The following TBC1D8 variants were observed in gnomAD, a reference collection of about 807,000 sequenced individuals.
TBC1D8 encodes TBC1 domain family member 8.
In TBC1D8, 65 loss-of-function variants were observed where a neutral mutation model predicts 118.8. The ratio of observed to expected loss-of-function variants is 0.55; its 90% CI spans 0.45 to 0.67. TBC1D8 has a LOEUF of 0.67. Among genes scored for constraint, TBC1D8 ranks in the 30% least tolerant of loss-of-function variants. The pLI, the probability that TBC1D8 is intolerant of heterozygous loss-of-function variation, is 0.00. For missense variants in TBC1D8, 1,376 were observed against 1,471.2 expected (o/e 0.94, Z 1.06); for synonymous variants, 566 against 595.8 (o/e 0.95, Z 0.73).
chr2:101,058,897 CTTTTTTA>C (rs1344389661), intron 3 of TBC1D8, among the ~76,000 whole-genome samples: 1 of 128,274 alleles, frequency 7.8e-6, no homozygotes, highest in Non-Finnish European at 1.6e-5. Flanking sequence ...AGAATAAAGT[CTTTTTTA>C]TTTTTTATTT....
At chr2:101,038,861 G>C (rs1025164751) in intron 6 of TBC1D8, among the ~76,000 whole-genome samples, 2 of 148,750 alleles carry the variant, frequency 1.3e-5, no homozygotes, top group Non-Finnish European at 2.9e-5. Context: ...ATAGCAAAGT[G>C]TGGTCTATCC....
intron 1 of TBC1D8, among the ~76,000 whole-genome samples, chr2:101,140,201 A>G (rs575022839): frequency 6.6e-6 from 1 of 152,316 alleles, no homozygotes; most frequent in African/African-American, 2.4e-5. Flanking sequence ...AAGTTGAGAA[A>G]GAAGACAAAG....
At chr2:101,102,053 G>A (rs1441175210) in intron 1 of TBC1D8, among the ~76,000 whole-genome samples, 2 of 147,150 alleles carry the variant, frequency 1.4e-5, no homozygotes, top group Non-Finnish European at 3.0e-5. Flanking sequence ...GAGTGGAGAG[G>A]AGGGGAGGGA....
chr2:101,031,342 C>A (rs933601266), intron 11 of TBC1D8, among the ~76,000 whole-genome samples: 3 of 152,172 alleles, frequency 2.0e-5, no homozygotes, highest in African/African-American at 7.2e-5. Flanking sequence ...ACTGCCTTCC[C>A]AGCTGACCAC....
At chr2:101,009,070 T>C (rs1305578923) in intron 19 of TBC1D8, among the ~76,000 whole-genome samples, 1 of 152,112 alleles carries the variant, frequency 6.6e-6, no homozygotes, top group Non-Finnish European at 1.5e-5. Flanking sequence ...AGGTGGAATC[T>C]AGCTACACAA....
intron 9 of TBC1D8, among the ~76,000 whole-genome samples, chr2:101,035,025 G>A (rs115523663): frequency 0.021 from 3,121 of 152,178 alleles, 115 homozygotes; most frequent in African/African-American, 0.072. Flanking sequence ...GGCTGGGGGG[G>A]AGACAGGGAA....
intron 5 of TBC1D8, among the ~76,000 whole-genome samples, chr2:101,047,061 T>G (rs1681754345): frequency 2.0e-5 from 3 of 152,332 alleles, no homozygotes; most frequent in Admixed American, 2.0e-4. Flanking sequence ...TGGTCTTTTT[T>G]CCTTTCCGCT....
intron 3 of TBC1D8, among the ~76,000 whole-genome samples, chr2:101,055,546 A>T (rs1682371891): frequency 6.6e-6 from 1 of 152,182 alleles, no homozygotes; most frequent in Non-Finnish European, 1.5e-5. Flanking sequence ...CCTCCAAAGC[A>T]CTCAGGTCTA....
At position 101,015,565 on chromosome 2, in the gene TBC1D8, A is replaced by G. The variant is rs1573865303; in HGVS notation, c.2828-4025T>C. On this transcript the variant is annotated intron_variant, in intron 17 of 19. Coordinates refer to ENST00000409318, the MANE Select transcript of TBC1D8 (RefSeq NM_001330348.2). The stretch of plus-strand genomic sequence containing the variant: ...AATATTTCCTTTATATTCTTATTCT[A>G]TAAACATTTTTCTATCAAAAAAATC... Among the ~76,000 whole-genome samples the G allele has an allele frequency of 2.0e-5, 3 of 152,356 alleles. 1 individual carries two copies. The South Asian group carries it at 6.2e-4, about 32-fold the overall frequency.
chr2:101,095,531 C>A, intron 1 of TBC1D8, among the ~76,000 whole-genome samples: 1 of 151,028 alleles, frequency 6.6e-6, no homozygotes, highest in Non-Finnish European at 1.5e-5. Context: ...CGATAGTTTG[C>A]TGAGAATGAT....
In TBC1D8 at chr2:101,050,465, G is replaced by C; in HGVS notation, c.808C>G (p.Leu270Val). Residue 270 changes from leucine (L) to valine (V), a missense_variant, in exon 5 of 20, where the codon CTG becomes GTG. Transcript: ENST00000409318. The stretch of plus-strand genomic sequence containing the variant: ...AGGTCAAAGACCTCATTATCCAGCA[G>C]CCTTCGCAGCGTCACGTCGGCCAGC... ...EQLADVTLRR[L>V]LDNEVFDLDP... 1 of 1,613,912 alleles carries C rather than the reference G, an allele frequency of 6.2e-7. No homozygotes were observed. Among genetic ancestry groups the C allele is most frequent in the Non-Finnish European group, 8.5e-7 (1 of 1,179,862 alleles).
intron 5 of TBC1D8, among the ~76,000 whole-genome samples, chr2:101,046,852 AAC>A (rs1362578955): frequency 6.6e-6 from 1 of 152,108 alleles, no homozygotes; most frequent in East Asian, 1.9e-4. Context: ...CCTCGTGGGA[AAC>A]AGAGTTTCCA....
rs1681304809 is a variant in TBC1D8 at position 101,040,314 on chromosome 2, T to C, written c.944A>G (p.His315Arg). Reference sequence around the variant, plus strand: ...CCAGAGCGAACAGTCCACAACCGCGTGCAGCTTCTCCTTCCTCGGCAACCT... The same window carrying C: ...CCAGAGCGAACAGTCCACAACCGCGCGCAGCTTCTCCTTCCTCGGCAACCT... ...FFRLPRKEKL[H>R]AVVDCSLWTP... The change falls in exon 6 of 20, where the codon CAC becomes CGC. Residue 315 changes from histidine to arginine, a missense_variant. Coordinates refer to ENST00000409318, the MANE Select transcript of TBC1D8 (RefSeq NM_001330348.2). The C allele has an allele frequency of 6.2e-7, 1 of 1,613,802 alleles. No homozygotes were observed. Among genetic ancestry groups the C allele is most frequent in the Non-Finnish European group, 8.5e-7 (1 of 1,179,884 alleles).
intron 1 of TBC1D8, among the ~76,000 whole-genome samples, chr2:101,109,339 T>C (rs896580904): frequency 3.3e-5 from 5 of 152,186 alleles, no homozygotes; most frequent in African/African-American, 1.2e-4. Flanking sequence ...GAACTACCCA[T>C]AAGTTTTTGT....
At chr2:101,058,301 A>C (rs55685612) in intron 3 of TBC1D8, among the ~76,000 whole-genome samples, 16,649 of 152,262 alleles carry the variant, frequency 0.11, 1,170 homozygotes, top group Non-Finnish European at 0.16. Flanking sequence ...AAAGGAAAAA[A>C]TTTTGTTCCT....
intron 1 of TBC1D8, among the ~76,000 whole-genome samples, chr2:101,104,962 T>C (rs951976587): frequency 6.8e-6 from 1 of 147,218 alleles, no homozygotes; most frequent in Non-Finnish European, 1.5e-5. Context: ...GAGGTGGAGG[T>C]TGCAGTGAGC....
chr2:101,119,620 G>A (rs556104847), intron 1 of TBC1D8, among the ~76,000 whole-genome samples: 7 of 152,294 alleles, frequency 4.6e-5, no homozygotes, highest in African/African-American at 7.2e-5. Flanking sequence ...GCCTGGGCAC[G>A]GGCATTGTCA....
At position 101,045,498 on chromosome 2, in the gene TBC1D8, A is replaced by G. The variant is rs1282023149; in HGVS notation, c.872+4903T>C. On this transcript the variant is annotated intron_variant, in intron 5 of 19. Coordinates refer to ENST00000409318, the MANE Select transcript of TBC1D8 (RefSeq NM_001330348.2). ...TGCTTCCAGGCTTAACGCGTCCCCA[A>G]ACTCAGGCTGCGTGACAGGCCAGGG... 1.3e-5 allele frequency among the ~76,000 whole-genome samples: 2 copies of G among 152,112 alleles called. 1 individual carries two copies.
At chr2:101,040,890 A>G (rs934158310) in intron 5 of TBC1D8, among the ~76,000 whole-genome samples, 1 of 152,282 alleles carries the variant, frequency 6.6e-6, no homozygotes, top group African/African-American at 2.4e-5. Flanking sequence ...GCCAACCTTC[A>G]GAACAAGGAC....
Sources: allele counts gnomAD v4.1 joint callset (sites outside exome capture counted in the v4.1 genomes callset), GRCh38; gene constraint gnomAD v4.1.1; transcripts MANE v1.5; gene names NCBI Gene and HGNC (gene_info 2026-07-23, HGNC 2026-07-21).